Variants in FHIT observed in about 807,000 individuals in gnomAD.
FHIT encodes the protein fragile histidine triad diadenosine triphosphatase.
Under a neutral mutation model 17.9 loss-of-function variants are expected in FHIT, and 19 were observed. That is an observed-to-expected ratio of 1.06 (90% CI 0.74 to 1.56). FHIT has a LOEUF of 1.56. Among genes scored for constraint, FHIT ranks in the 40% most tolerant of loss-of-function variants. The pLI is 0.00. For missense variants in FHIT, 248 were observed against 189.2 expected (o/e 1.31, Z -1.82); for synonymous variants, 81 against 69.7 (o/e 1.16, Z -0.81).
intron 3 of FHIT, among the ~76,000 whole-genome samples, chr3:60,947,540 T>TTC (rs1708691405): frequency 6.6e-6 from 1 of 152,216 alleles, no homozygotes; most frequent in Non-Finnish European, 1.5e-5. Context: ...TGTTCTTTGG[T>TTC]ATCCCAAATG....
intron 4 of FHIT, among the ~76,000 whole-genome samples, chr3:60,821,010 C>G (rs1701909470): frequency 6.6e-6 from 1 of 151,786 alleles, no homozygotes; most frequent in Non-Finnish European, 1.5e-5. Flanking sequence ...GGGTCTCACT[C>G]TGTCGCCTAG....
At chr3:59,942,013 C>A (rs1306967353) in intron 7 of FHIT, among the ~76,000 whole-genome samples, 2 of 152,148 alleles carry the variant, frequency 1.3e-5, no homozygotes, top group Non-Finnish European at 2.9e-5. Flanking sequence ...TCAGTAAAAT[C>A]TTCTAAAGCC....
At chr3:59,770,437 G>C (rs142340710) in intron 8 of FHIT, among the ~76,000 whole-genome samples, 326 of 152,278 alleles carry the variant, frequency 2.1e-3, no homozygotes, top group African/African-American at 7.5e-3. Flanking sequence ...GGACCCAGCA[G>C]CTGCCATGCA....
At chr3:60,102,884 A>G (rs910813125) in intron 5 of FHIT, among the ~76,000 whole-genome samples, 1 of 152,210 alleles carries the variant, frequency 6.6e-6, no homozygotes, top group Admixed American at 6.5e-5. Context: ...TAAAATCACA[A>G]TTATAGATTT....
chr3:61,233,006 G>T (rs991901768), intron 1 of FHIT, among the ~76,000 whole-genome samples: 4 of 152,076 alleles, frequency 2.6e-5, no homozygotes, highest in African/African-American at 9.7e-5. Flanking sequence ...AAGGGAGATG[G>T]GTACAAAGAT....
intron 5 of FHIT, among the ~76,000 whole-genome samples, chr3:60,359,320 C>T (rs1431345288): frequency 3.9e-5 from 5 of 128,374 alleles, no homozygotes; most frequent in East Asian, 2.3e-4. Context: ...CTCGCTCTAT[C>T]GCCAAGCTGG....
chr3:60,108,669 T>C (rs1704534441), intron 5 of FHIT, among the ~76,000 whole-genome samples: 1 of 150,486 alleles, frequency 6.6e-6, no homozygotes, highest in Admixed American at 6.6e-5. Flanking sequence ...ACTTCTCTTT[T>C]TTTTTTTTTT....
chr3:60,164,327 C>T (rs936471912), intron 5 of FHIT, among the ~76,000 whole-genome samples: 3 of 152,070 alleles, frequency 2.0e-5, no homozygotes, highest in Non-Finnish European at 4.4e-5. Flanking sequence ...GGCAGCAGGG[C>T]CCTAATTAAA....
chr3:60,558,666 T>C (rs1169356963), intron 4 of FHIT, among the ~76,000 whole-genome samples: 1 of 152,140 alleles, frequency 6.6e-6, no homozygotes, highest in East Asian at 1.9e-4. Context: ...TGGGGTCTTC[T>C]ATACCAGGAA....
At chr3:61,169,220 T>C (rs2037927203) in intron 2 of FHIT, among the ~76,000 whole-genome samples, 1 of 152,214 alleles carries the variant, frequency 6.6e-6, no homozygotes, top group Non-Finnish European at 1.5e-5. Flanking sequence ...CTGATAGATA[T>C]ATATAAATTC....
At chr3:60,907,169 T>A (rs556340406) in intron 3 of FHIT, among the ~76,000 whole-genome samples, 11 of 150,438 alleles carry the variant, frequency 7.3e-5, no homozygotes, top group African/African-American at 2.2e-4. Flanking sequence ...AAAAATGGAG[T>A]GACCTGAAGA....
In FHIT at chr3:60,609,365, G is replaced by A. The variant is rs76745904; in HGVS notation, c.-17-72386C>T. Among the ~76,000 whole-genome samples, 53 of 151,682 alleles carry A rather than the reference G, an allele frequency of 3.5e-4. 1 individual carries two copies. The East Asian group carries it at 7.8e-3, about 22-fold the overall frequency. On this transcript the variant is annotated intron_variant, in intron 4 of 9. Transcript: ENST00000492590. ...TTTTGAGACTGAGTCTAGCTGTGTC[G>A]CCCAGGCTGGAGTGCAGTGGCGCCA...
intron 7 of FHIT, among the ~76,000 whole-genome samples, chr3:59,925,243 A>G (rs1466888822): frequency 6.6e-6 from 1 of 152,112 alleles, no homozygotes; most frequent in Non-Finnish European, 1.5e-5. Context: ...GGCTGGGACT[A>G]CAGGTGCATG....
At chr3:60,123,999 T>C (rs1327688114) in intron 5 of FHIT, among the ~76,000 whole-genome samples, 7 of 30,918 alleles carry the variant, frequency 2.3e-4, no homozygotes, top group African/African-American at 9.6e-4. Context: ...TATATATATA[T>C]ATATATATAT....
intron 3 of FHIT, among the ~76,000 whole-genome samples, chr3:60,870,728 C>T (rs1704376842): frequency 6.6e-6 from 1 of 152,100 alleles, no homozygotes; most frequent in South Asian, 2.1e-4. Context: ...TGCAATAGTC[C>T]CACTAGTCTG....
intron 4 of FHIT, among the ~76,000 whole-genome samples, chr3:60,729,805 T>C (rs2041991912): frequency 6.6e-6 from 1 of 152,022 alleles, no homozygotes; most frequent in South Asian, 2.1e-4. Context: ...GTGTTTAATT[T>C]CTGGAAGGAC....
intron 5 of FHIT, among the ~76,000 whole-genome samples, chr3:60,324,051 G>A (rs982395852): frequency 6.6e-6 from 1 of 152,094 alleles, no homozygotes; most frequent in African/African-American, 2.4e-5. Context: ...ATTAACAATA[G>A]AAGCAATAAT....
chr3:60,871,710 T>G (rs1048600264), intron 3 of FHIT, among the ~76,000 whole-genome samples: 1 of 152,140 alleles, frequency 6.6e-6, no homozygotes, highest in Non-Finnish European at 1.5e-5. Flanking sequence ...CATGGCTCAA[T>G]GTAGCCTTGA....
chr3:59,936,640 T>G (rs1706254622), intron 7 of FHIT, among the ~76,000 whole-genome samples: 3 of 152,078 alleles, frequency 2.0e-5, no homozygotes, highest in Admixed American at 6.6e-5. Flanking sequence ...AAGCCTCCCT[T>G]TAAAACATTT....
Sources: allele counts gnomAD v4.1 joint callset (sites outside exome capture counted in the v4.1 genomes callset), GRCh38; gene constraint gnomAD v4.1.1; transcripts MANE v1.5; gene names NCBI Gene and HGNC (gene_info 2026-07-23, HGNC 2026-07-21).